ELF2: variants seen among roughly 807,000 people sequenced by gnomAD.
ELF2 encodes the protein ETS-related transcription factor Elf-2.
ELF2 carries 11 observed loss-of-function variants against 54.8 expected under a neutral mutation model. The observed-to-expected ratio is 0.20, with a 90% CI of 0.13 to 0.33. The LOEUF (loss-of-function observed/expected upper bound fraction) is 0.33, where lower values mean the gene tolerates loss of function less well. Among genes scored for constraint, ELF2 ranks in the 10% least tolerant of loss-of-function variants. The pLI, the probability that ELF2 is intolerant of heterozygous loss-of-function variation, is 1.00. For synonymous variants in ELF2, 203 were observed against 245.1 expected (o/e 0.83, Z 1.61); for missense variants, 513 against 703.0 (o/e 0.73, Z 3.06).
At chr4:139,108,534 G>A (rs2148802528) in intron 4 of ELF2, among the ~76,000 whole-genome samples, 3 of 151,924 alleles carry the variant, frequency 2.0e-5, no homozygotes, top group Middle Eastern at 6.8e-3. Context: ...AGGGTTTCTG[G>A]ACCTGCTCCA....
At chr4:139,106,603 A>G (rs964160280) in intron 4 of ELF2, among the ~76,000 whole-genome samples, 1 of 151,918 alleles carries the variant, frequency 6.6e-6, no homozygotes, top group African/African-American at 2.4e-5. Context: ...CTCGCTCTAT[A>G]TAATTTATGG....
intron 4 of ELF2, chr4:139,101,556 T>G (rs1377209512): frequency 6.6e-6 from 1 of 152,222 alleles, no homozygotes; most frequent in African/African-American, 2.4e-5. Context: ...TTTTGTAAAG[T>G]GCTTGGTACT....
intron 1 of ELF2, among the ~76,000 whole-genome samples, chr4:139,161,121 C>T (rs184616527): frequency 3.0e-4 from 46 of 152,144 alleles, no homozygotes; most frequent in African/African-American, 1.1e-3. Context: ...TGTATACAGC[C>T]AGAAATTCCT....
At chr4:139,167,152 G>A (rs541162420) in intron 1 of ELF2, among the ~76,000 whole-genome samples, 1 of 152,312 alleles carries the variant, frequency 6.6e-6, no homozygotes, top group Admixed American at 6.5e-5. Flanking sequence ...ATATAGGGTT[G>A]TTGGCATAAG....
intron 2 of ELF2, among the ~76,000 whole-genome samples, chr4:139,138,567 T>C (rs1438611179): frequency 6.6e-6 from 1 of 152,236 alleles, no homozygotes; most frequent in Non-Finnish European, 1.5e-5. Context: ...TTTGCCTATT[T>C]AACAAATCAA....
chr4:139,143,744 C>T (rs1319448060), intron 1 of ELF2, among the ~76,000 whole-genome samples: 1 of 152,050 alleles, frequency 6.6e-6, no homozygotes, highest in African/African-American at 2.4e-5. Flanking sequence ...CGAGCCACTG[C>T]AATCCAGCCC....
At chr4:139,101,670 C>T (rs767911707) in intron 4 of ELF2, 32 of 152,316 alleles carry the variant, frequency 2.1e-4, no homozygotes, top group African/African-American at 5.1e-4. Context: ...TTTTGTAAGA[C>T]GGTAAACTGA....
intron 7 of ELF2, chr4:139,067,319 A>T (rs1158147773): frequency 5.8e-6 from 1 of 172,786 alleles, no homozygotes; most frequent in Non-Finnish European, 1.2e-5. Context: ...AGAAATTATT[A>T]GAAACAAGGT....
intron 1 of ELF2, among the ~76,000 whole-genome samples, chr4:139,162,638 A>G (rs1297403270): frequency 6.6e-6 from 1 of 152,230 alleles, no homozygotes; most frequent in African/African-American, 2.4e-5. Context: ...TAAGTGATAA[A>G]TACTCATTAA....
At chr4:139,076,538 G>A (rs1730342403) in intron 4 of ELF2, among the ~76,000 whole-genome samples, 1 of 151,694 alleles carries the variant, frequency 6.6e-6, no homozygotes, top group Non-Finnish European at 1.5e-5. Context: ...CTTGTCTTAG[G>A]TGCTATTAAT....
At chr4:139,165,390 G>A (rs1741617103) in intron 1 of ELF2, among the ~76,000 whole-genome samples, 1 of 152,144 alleles carries the variant, frequency 6.6e-6, no homozygotes, top group African/African-American at 2.4e-5. Context: ...TTGGCTTGGA[G>A]CGGTGGCTCA....
intron 4 of ELF2, among the ~76,000 whole-genome samples, chr4:139,085,583 A>AAT (rs1454597811): frequency 4.6e-5 from 7 of 152,068 alleles, no homozygotes; most frequent in Non-Finnish European, 8.8e-5. Flanking sequence ...CATTTCTCCT[A>AAT]ATATTCATTT....
chr4:139,067,730 A>C lies in ELF2; in HGVS notation c.567T>G (p.Asn189Lys). 1.2e-6 allele frequency: 2 copies of C among 1,606,320 alleles called. No individual in the cohort carries two copies. The highest frequency in any genetic ancestry group is 2.2e-5 in the South Asian group (2 of 90,062). ...TCTTTATACCTAACTCAGGAGACCC[A>C]TTGGAAATTGGTGATTGCTGGGTCT... ...KPKTQQSPIS[N>K]GSPELGIKKK... The change falls in exon 7 of 10, where the codon AAT becomes AAG. Residue 189 changes from asparagine (N) to lysine (K), a missense_variant. Around this residue, in one of 3 missense-constraint regions of ELF2, gnomAD observed 203 missense variants for 245.9 expected, o/e 0.83. Coordinates refer to ENST00000686138, the MANE Select transcript of ELF2 (RefSeq NM_001331036.3).
intron 3 of ELF2, among the ~76,000 whole-genome samples, chr4:139,131,718 G>A (rs369487892): frequency 1.3e-5 from 2 of 151,160 alleles, no homozygotes; most frequent in Admixed American, 6.6e-5. Context: ...AAATAAATAC[G>A]TCACTAGAAT....
At chr4:139,171,796 C>G (rs907342180) in intron 1 of ELF2, among the ~76,000 whole-genome samples, 2 of 151,910 alleles carry the variant, frequency 1.3e-5, no homozygotes, top group African/African-American at 4.8e-5. Flanking sequence ...TAGTTGTGCT[C>G]GGCTGTAATC....
At chr4:139,090,119 G>A (rs191419733) in intron 4 of ELF2, among the ~76,000 whole-genome samples, 6 of 152,218 alleles carry the variant, frequency 3.9e-5, no homozygotes, top group African/African-American at 9.6e-5. Context: ...TTAGAGACAA[G>A]GGTCCAGCCA....
intron 1 of ELF2, among the ~76,000 whole-genome samples, chr4:139,169,305 A>G (rs539351529): frequency 1.0e-3 from 150 of 147,504 alleles, no homozygotes; most frequent in Non-Finnish European, 1.8e-3. Context: ...CCGAGATCGC[A>G]CCACTGCACT....
At chr4:139,094,855 C>T (rs939784651) in intron 4 of ELF2, among the ~76,000 whole-genome samples, 15 of 151,730 alleles carry the variant, frequency 9.9e-5, no homozygotes, top group Admixed American at 8.5e-4. Flanking sequence ...TTTTTAGGTC[C>T]CTAGTAAAGG....
At chr4:139,084,540 TC>T in intron 4 of ELF2, 1 of 572,592 alleles carries the variant, frequency 1.7e-6, no homozygotes, top group Non-Finnish European at 2.3e-6. Flanking sequence ...GGACGCTTGC[TC>T]CAGAGAGCGG....
Sources: allele counts gnomAD v4.1 joint callset (sites outside exome capture counted in the v4.1 genomes callset), GRCh38; gene constraint gnomAD v4.1.1; regional missense constraint gnomAD v4.1.1; transcripts MANE v1.5; gene names NCBI Gene and HGNC (gene_info 2026-07-23, HGNC 2026-07-21).